The following TACC2 variants were observed in gnomAD, a reference collection of about 807,000 sequenced individuals.
The protein encoded by TACC2 is transforming acidic coiled-coil-containing protein 2.
Under a neutral mutation model 227.3 loss-of-function variants are expected in TACC2, and 137 were observed. That is an observed-to-expected ratio of 0.60 (90% CI 0.52 to 0.69). The LOEUF is 0.69. Ranked by LOEUF, TACC2 falls within the 30% of genes least tolerant of loss-of-function variation. The pLI is 0.00. For missense variants in TACC2, 3,470 were observed against 3,694.4 expected (o/e 0.94, Z 1.57); for synonymous variants, 1,523 against 1,487.5 (o/e 1.02, Z -0.55).
At chr10:122,241,697 G>T in intron 18 of TACC2, 1 of 540,802 alleles carries the variant, frequency 1.8e-6, no homozygotes, top group Non-Finnish European at 3.3e-6. Context: ...TCAATACCTG[G>T]GACTGCAGGC....
chr10:122,172,785 A>T (rs991865081), intron 7 of TACC2, among the ~76,000 whole-genome samples: 2 of 151,712 alleles, frequency 1.3e-5, no homozygotes, highest in Non-Finnish European at 2.9e-5. Context: ...CTCTTGTGGG[A>T]GGAGGAAGAG....
At chr10:122,202,941 A>G (rs2094926232) in intron 8 of TACC2, among the ~76,000 whole-genome samples, 2 of 151,422 alleles carry the variant, frequency 1.3e-5, no homozygotes, top group East Asian at 3.9e-4. Context: ...CCCTGAGTGG[A>G]TACAGCACAT....
intron 7 of TACC2, among the ~76,000 whole-genome samples, chr10:122,144,047 AT>A (rs1245503984): frequency 6.6e-6 from 1 of 152,116 alleles, no homozygotes; most frequent in Non-Finnish European, 1.5e-5. Context: ...ATTTTAAGGG[AT>A]TGGCTCATGT....
chr10:122,049,873 C>T (rs571486369), intron 2 of TACC2, among the ~76,000 whole-genome samples: 294 of 152,152 alleles, frequency 1.9e-3, no homozygotes, highest in African/African-American at 6.6e-3. Context: ...ATCAACTAAC[C>T]GGTGGACAAG....
At chr10:122,098,793 T>C (rs1040863621) in intron 5 of TACC2, among the ~76,000 whole-genome samples, 7 of 152,220 alleles carry the variant, frequency 4.6e-5, no homozygotes, top group Non-Finnish European at 1.0e-4. Context: ...AGAGTTCACG[T>C]ACATCTGGCC....
chr10:122,106,942 G>A (rs1402218105), intron 5 of TACC2, among the ~76,000 whole-genome samples: 1 of 152,246 alleles, frequency 6.6e-6, no homozygotes, highest in Non-Finnish European at 1.5e-5. Context: ...GGCTGCAGCA[G>A]CTCCAGGCAC....
chr10:122,124,483 C>T (rs1300529520), intron 5 of TACC2, among the ~76,000 whole-genome samples: 2 of 152,334 alleles, frequency 1.3e-5, no homozygotes, highest in African/African-American at 4.8e-5. Flanking sequence ...CTCATGTTCC[C>T]CATCGCCCCA....
intron 7 of TACC2, among the ~76,000 whole-genome samples, chr10:122,174,012 G>A (rs1375930604): frequency 6.6e-6 from 1 of 152,208 alleles, no homozygotes; most frequent in Non-Finnish European, 1.5e-5. Context: ...GAGCTCTTCT[G>A]CCCGCCTCCT....
chr10:122,132,302 T>C (rs920175944), intron 5 of TACC2, among the ~76,000 whole-genome samples: 2 of 152,114 alleles, frequency 1.3e-5, no homozygotes, highest in African/African-American at 2.4e-5. Flanking sequence ...TCCCCACACT[T>C]TGGGAGGCCG....
At chr10:122,097,534 C>T (rs902225138) in intron 5 of TACC2, among the ~76,000 whole-genome samples, 13 of 151,810 alleles carry the variant, frequency 8.6e-5, no homozygotes, top group Middle Eastern at 3.4e-3. Flanking sequence ...GGGAGAAGAG[C>T]GGGGCTCTGA....
At chr10:122,252,758 G>A (rs2141998082) in intron 22 of TACC2, among the ~76,000 whole-genome samples, 1 of 152,306 alleles carries the variant, frequency 6.6e-6, no homozygotes, top group Admixed American at 6.5e-5. Flanking sequence ...CTCCCAAAGT[G>A]CTGGGATTGC....
Position 122,087,762 on chromosome 10 carries a change from G to A in TACC2, c.5262G>A (p.Lys1754=). 2 of 1,609,700 alleles carry A rather than the reference G, an allele frequency of 1.2e-6. No homozygotes were observed. Residue 1754 remains lysine, a synonymous_variant, in exon 4 of 23, where the codon AAG becomes AAA. Transcript: ENST00000369005. The part of the protein sequence containing the change: ...GSCQDPACSD[K]APGMEGTAAL... ...GTCAGGACCCAGCCTGCTCTGACAA[G>A]GCTCCGGGGATGGAGGGTACAGCTG...
chr10:122,102,047 T>C (rs1401188268), intron 5 of TACC2, among the ~76,000 whole-genome samples: 1 of 152,110 alleles, frequency 6.6e-6, no homozygotes, highest in African/African-American at 2.4e-5. Context: ...AAAGTGTGCT[T>C]ACGCAGACCT....
intron 7 of TACC2, among the ~76,000 whole-genome samples, chr10:122,182,077 A>G (rs1157021107): frequency 3.9e-5 from 6 of 152,146 alleles, no homozygotes; most frequent in African/African-American, 1.2e-4. Flanking sequence ...CTTTATTTCT[A>G]TGTGCCAAAT....
intron 2 of TACC2, among the ~76,000 whole-genome samples, chr10:122,042,478 A>G (rs1041292416): frequency 1.1e-4 from 16 of 151,914 alleles, no homozygotes; most frequent in African/African-American, 3.6e-4. Flanking sequence ...CCTGACCTCA[A>G]GTGATCCACC....
At chr10:122,187,328 C>T (rs7920046) in intron 7 of TACC2, among the ~76,000 whole-genome samples, 79,261 of 151,920 alleles carry the variant, frequency 0.52, 21,364 homozygotes, top group East Asian at 0.84. Flanking sequence ...GCCCTTTCTT[C>T]GGTACACTCT....
intron 5 of TACC2, among the ~76,000 whole-genome samples, chr10:122,126,445 G>A (rs2086897603): frequency 6.6e-6 from 1 of 151,880 alleles, no homozygotes; most frequent in Admixed American, 6.6e-5. Flanking sequence ...GTAGGTACGT[G>A]TATGTACACA....
chr10:122,005,670 C>T (rs1955003168), intron 1 of TACC2, among the ~76,000 whole-genome samples: 1 of 149,764 alleles, frequency 6.7e-6, no homozygotes, highest in Non-Finnish European at 1.5e-5. Context: ...AGGCATGAGC[C>T]ACCGTGCCTG....
chr10:122,003,850 G>C (rs540777843), intron 1 of TACC2, among the ~76,000 whole-genome samples: 3 of 151,990 alleles, frequency 2.0e-5, no homozygotes, highest in Admixed American at 1.3e-4. Flanking sequence ...TAGAGACGGG[G>C]TTTCACTGTG....
Sources: gnomAD v4.1 joint callset for allele counts (sites outside exome capture counted in the v4.1 genomes callset) on GRCh38, gnomAD v4.1.1 for gene constraint, MANE v1.5 for transcripts, NCBI Gene and HGNC (gene_info 2026-07-23, HGNC 2026-07-21) for gene names.